Variants in MED13L observed in about 807,000 individuals in gnomAD.
MED13L encodes mediator of RNA polymerase II transcription subunit 13-like.
Under a neutral mutation model 220.9 loss-of-function variants are expected in MED13L, and 7 were observed. That is an observed-to-expected ratio of 0.03 (90% confidence interval 0.02 to 0.06). The LOEUF is 0.06. MED13L is among the 10% of genes least tolerant of loss of function. The pLI is 1.00. For missense variants in MED13L, 1,965 were observed against 2,760.5 expected (o/e 0.71, Z 6.46); for synonymous variants, 1,011 against 1,015.2 (o/e 1.00, Z 0.08).
chr12:116,231,807 GA>G (rs1869585332), intron 2 of MED13L, among the ~76,000 whole-genome samples: 1 of 152,044 alleles, frequency 6.6e-6, no homozygotes, highest in Non-Finnish European at 1.5e-5. Context: ...AGTTTAGGTG[GA>G]AAAAGAGGCA....
At chr12:116,255,872 C>A (rs557692796) in intron 1 of MED13L, among the ~76,000 whole-genome samples, 32 of 152,244 alleles carry the variant, frequency 2.1e-4, no homozygotes, top group South Asian at 1.0e-3. Context: ...TTTTTGCATG[C>A]CAACATGACA....
intron 4 of MED13L, among the ~76,000 whole-genome samples, chr12:116,064,817 A>G (rs1256073463): frequency 1.3e-5 from 2 of 152,170 alleles, no homozygotes; most frequent in Non-Finnish European, 2.9e-5. Flanking sequence ...CAATCTCCAC[A>G]TTGTAGAGCA....
Position 115,975,296 on chromosome 12 carries a change from A to G in MED13L, c.5606T>C (p.Val1869Ala). ...CTGTAGTCCAATTTTACGTGCAGAT[A>G]CTTTACTCCTCCGTGACCTAACAAA... ...ALPNRSRRSK[V>A]SARKIGLQKL... Residue 1869 changes from valine to alanine, a missense_variant, in exon 25 of 31, where the codon GTA becomes GCA. Around this residue, in one of 10 missense-constraint regions of MED13L, gnomAD observed 510 missense variants for 620.4 expected, o/e 0.82. Coordinates refer to ENST00000281928, the MANE Select transcript of MED13L (RefSeq NM_015335.5). The G allele has an allele frequency of 6.2e-7, 1 of 1,614,126 alleles. No homozygotes were observed. Among genetic ancestry groups the G allele is most frequent in the Non-Finnish European group, 8.5e-7 (1 of 1,179,988 alleles).
intron 2 of MED13L, among the ~76,000 whole-genome samples, chr12:116,222,081 T>C (rs1165607854): frequency 6.6e-6 from 1 of 152,208 alleles, no homozygotes; most frequent in South Asian, 2.1e-4. Context: ...AGCAAAATTA[T>C]ATCCTTATTT....
At chr12:116,134,500 A>T (rs965095511) in intron 2 of MED13L, among the ~76,000 whole-genome samples, 4 of 152,208 alleles carry the variant, frequency 2.6e-5, no homozygotes, top group African/African-American at 9.7e-5. Context: ...TAATTCATGT[A>T]TCTATTCATT....
At chr12:115,984,471 A>C in intron 19 of MED13L, 99 bp from the exon 20 acceptor site, 3 of 1,351,842 alleles carry the variant, frequency 2.2e-6, no homozygotes, top group Non-Finnish European at 3.1e-6. Flanking sequence ...ATATGGAAGC[A>C]TTTTCCTTTT....
rs1187271862 is a variant in MED13L, at chr12:115,991,601, G to C, written c.3353C>G (p.Ser1118Cys). The change falls in exon 17 of 31, where the codon TCC (serine) becomes TGC (cysteine). Residue 1118 changes from serine to cysteine, a missense_variant. Around this residue, in one of 10 missense-constraint regions of MED13L, gnomAD observed 233 missense variants for 306.2 expected, o/e 0.76. Transcript: ENST00000281928. The surrounding 1 kb of genome is among the most constrained non-coding windows in gnomAD (Gnocchi z 7.7). ...TCTGTCTTTAAAGATATTCATCACG[G>C]AATCGGAGAGAATCAGGGTAACATA... ...SLYVTLILSDSVMNIFKDRNF... is the reference protein window; with the variant it reads ...SLYVTLILSDCVMNIFKDRNF... 1 of 1,614,132 alleles carries C rather than the reference G, an allele frequency of 6.2e-7. No individual in the cohort carries two copies. Among genetic ancestry groups the C allele is most frequent in the Admixed American group, 1.7e-5 (1 of 60,022 alleles).
intron 2 of MED13L, among the ~76,000 whole-genome samples, chr12:116,178,716 G>A (rs1880264963): frequency 6.6e-6 from 1 of 152,140 alleles, no homozygotes; most frequent in Non-Finnish European, 1.5e-5. Flanking sequence ...CTTGACAAAG[G>A]ACAGTGTCTT....
intron 1 of MED13L, chr12:116,276,817 G>A: frequency 1.7e-6 from 2 of 1,152,294 alleles, no homozygotes; most frequent in Non-Finnish European, 1.2e-6. Flanking sequence ...ACTTCCACAT[G>A]CAAATTCCAC....
intron 3 of MED13L, among the ~76,000 whole-genome samples, chr12:116,107,128 G>C (rs1449770509): frequency 6.6e-6 from 1 of 152,190 alleles, no homozygotes; most frequent in Non-Finnish European, 1.5e-5. Context: ...TGGCAGAACT[G>C]AGACCCAAAA....
intron 4 of MED13L, among the ~76,000 whole-genome samples, chr12:116,047,700 C>A (rs534673225): frequency 2.6e-5 from 4 of 152,168 alleles, no homozygotes; most frequent in Admixed American, 6.5e-5. Context: ...GTTTAACTAA[C>A]GGTTTCTGTC....
intron 4 of MED13L, among the ~76,000 whole-genome samples, chr12:116,065,187 T>C (rs746930474): frequency 6.6e-6 from 1 of 152,182 alleles, no homozygotes; most frequent in African/African-American, 2.4e-5. Context: ...TTTCTACATA[T>C]GCTCCACTAT....
chr12:115,968,793 A>G, intron 28 of MED13L, 147 bp downstream of exon 28: 1 of 932,142 alleles, frequency 1.1e-6, no homozygotes, highest in South Asian at 1.4e-5. Context: ...ATGGAACCAT[A>G]GTCAGTTTCC....
At chr12:115,972,428 G>A (rs1836202402) in intron 25 of MED13L, 192 bp from the exon 26 acceptor site, 4 of 655,304 alleles carry the variant, frequency 6.1e-6, no homozygotes, top group Non-Finnish European at 1.1e-5. Context: ...ATTAACAAAG[G>A]AACAAAGGCC....
chr12:116,265,066 T>C (rs1872736474), intron 1 of MED13L, among the ~76,000 whole-genome samples: 1 of 152,106 alleles, frequency 6.6e-6, no homozygotes, highest in African/African-American at 2.4e-5. Context: ...AACCCACTTA[T>C]CCAAGATTCT....
At chr12:116,226,978 G>A (rs1869075137) in intron 2 of MED13L, among the ~76,000 whole-genome samples, 1 of 149,868 alleles carries the variant, frequency 6.7e-6, no homozygotes, top group Non-Finnish European at 1.5e-5. Context: ...TTTAACCTTA[G>A]GCCCAATGAT....
chr12:116,236,100 C>T (rs1870056310), intron 2 of MED13L, among the ~76,000 whole-genome samples: 1 of 152,086 alleles, frequency 6.6e-6, no homozygotes. Context: ...TTCTGATAAA[C>T]AGAATCCAGA....
intron 4 of MED13L, among the ~76,000 whole-genome samples, chr12:116,037,018 A>G (rs1881232272): frequency 6.6e-6 from 1 of 152,210 alleles, no homozygotes; most frequent in Non-Finnish European, 1.5e-5. Flanking sequence ...AACGTCCAGG[A>G]AAGTTAATTG....
At chr12:116,146,996 A>G (rs917213644) in intron 2 of MED13L, among the ~76,000 whole-genome samples, 1 of 152,190 alleles carries the variant, frequency 6.6e-6, no homozygotes, top group Non-Finnish European at 1.5e-5. Context: ...CAACTACTCA[A>G]ATATTTATGG....
Sources: gnomAD v4.1 joint callset for allele counts (sites outside exome capture counted in the v4.1 genomes callset) on GRCh38, gnomAD v4.1.1 for gene constraint, gnomAD v4.1.1 regional missense constraint, Gnocchi (gnomAD v3.1) non-coding constraint, MANE v1.5 for transcripts, NCBI Gene and HGNC (gene_info 2026-07-23, HGNC 2026-07-21) for gene names.